Variants in UGT1A8 observed in about 807,000 individuals in gnomAD.
UGT1A8 encodes the protein UDP-glucuronosyltransferase 1A8.
A neutral mutation model predicts 45.3 loss-of-function variants in UGT1A8; 39 were observed. The ratio of observed to expected loss-of-function variants is 0.86; its 90% CI spans 0.67 to 1.12. The LOEUF (loss-of-function observed/expected upper bound fraction) is 1.12. Ranked by LOEUF, UGT1A8 falls within the 50% of genes most tolerant of loss-of-function variation. The probability of loss-of-function intolerance (pLI) is 0.00; values close to 1 mark genes in which losing one functional copy is unlikely to be tolerated. For synonymous variants in UGT1A8, 275 were observed against 249.2 expected (o/e 1.10, Z -0.97); for missense variants, 719 against 664.9 (o/e 1.08, Z -0.90).
chr2:233,759,959 G>A (rs149939396), intron 1 of UGT1A8, among the ~76,000 whole-genome samples: 41 of 152,230 alleles, frequency 2.7e-4, no homozygotes, highest in African/African-American at 8.9e-4. Context: ...CTACATAGTC[G>A]TCCTTCTTCC....
At chr2:233,656,715 G>A (rs764854716) in intron 1 of UGT1A8, among the ~76,000 whole-genome samples, 3 of 152,078 alleles carry the variant, frequency 2.0e-5, no homozygotes, top group African/African-American at 4.8e-5. Context: ...GTGACGAGGC[G>A]TGTCCAGCCT....
chr2:233,636,991 G>C, intron 1 of UGT1A8: 1 of 1,613,944 alleles, frequency 6.2e-7, no homozygotes, highest in South Asian at 1.1e-5. Flanking sequence ...TGGCTTAATT[G>C]TTGCTAAATA....
intron 1 of UGT1A8, among the ~76,000 whole-genome samples, chr2:233,629,555 A>G (rs972510184): frequency 6.6e-6 from 1 of 152,092 alleles, no homozygotes; most frequent in Non-Finnish European, 1.5e-5. Flanking sequence ...AAATTTTTGC[A>G]TCTAAGCTCA....
intron 1 of UGT1A8, among the ~76,000 whole-genome samples, chr2:233,765,695 A>G (rs1698910486): frequency 6.9e-6 from 1 of 145,802 alleles, no homozygotes; most frequent in African/African-American, 2.7e-5. Flanking sequence ...CTTCAAGTAA[A>G]TAATAATAAT....
At chr2:233,713,213 T>C (rs2076292888) in intron 1 of UGT1A8, 1 of 1,614,164 alleles carries the variant, frequency 6.2e-7, no homozygotes, top group Non-Finnish European at 8.5e-7. Context: ...AAGAGAACTT[T>C]TTCACCCTGA....
intron 1 of UGT1A8, chr2:233,647,786 G>C: frequency 1.6e-6 from 1 of 623,018 alleles, no homozygotes; most frequent in Admixed American, 3.2e-5. Flanking sequence ...TTCCTAATCA[G>C]TCTGGGTAGA....
intron 1 of UGT1A8, chr2:233,690,696 T>C: frequency 8.1e-7 from 1 of 1,237,692 alleles, no homozygotes; most frequent in South Asian, 1.4e-5. Flanking sequence ...GAGCTACTCT[T>C]TAGGGATCGT....
intron 1 of UGT1A8, chr2:233,672,091 C>T (rs1477600862): frequency 1.2e-6 from 2 of 1,614,116 alleles, no homozygotes; most frequent in Admixed American, 3.3e-5. Flanking sequence ...TCTCAGGGGG[C>T]ATGAGGTGGT....
intron 1 of UGT1A8, among the ~76,000 whole-genome samples, chr2:233,766,396 G>A (rs1050069085): frequency 2.0e-5 from 3 of 152,150 alleles, no homozygotes; most frequent in East Asian, 3.9e-4. Context: ...CTGTCCTTGC[G>A]TCCCTCCGCT....
At position 233,759,745 on chromosome 2, in the gene UGT1A8, A is replaced by G. The variant is rs1303166455; in HGVS notation, c.856-7289A>G. Among the ~76,000 whole-genome samples the G allele has an allele frequency of 2.6e-5, 4 of 152,196 alleles. No homozygotes were observed. The East Asian group carries it at 7.7e-4, about 29-fold the overall frequency. ...CTCTGCTGCAGCCTCAAGACCCCAC[A>G]CTGTGCTGGACTCAATAAATATTGT... On this transcript the variant is annotated intron_variant, in intron 1 of 4. Transcript: ENST00000373450.
chr2:233,636,718 C>T, intron 1 of UGT1A8: 2 of 1,614,158 alleles, frequency 1.2e-6, no homozygotes, highest in South Asian at 2.2e-5. Flanking sequence ...GAGTTGGCAA[C>T]TGGAAAGATC....
intron 1 of UGT1A8, among the ~76,000 whole-genome samples, chr2:233,706,527 A>G (rs1298555218): frequency 1.3e-5 from 2 of 152,242 alleles, no homozygotes; most frequent in African/African-American, 4.8e-5. Context: ...ACAGCGGCTT[A>G]GAAACACAGC....
intron 1 of UGT1A8, among the ~76,000 whole-genome samples, chr2:233,763,434 A>G (rs1698313182): frequency 1.3e-5 from 2 of 152,346 alleles, no homozygotes; most frequent in Middle Eastern, 3.4e-3. Context: ...AGTTGCTTTA[A>G]TAAGTGCATT....
Position 233,772,617 on chromosome 2 carries a change from GA to G in UGT1A8, c.*62del. 1 of 1,572,898 alleles carries G rather than the reference GA, an allele frequency of 6.4e-7. No homozygotes were observed. Among genetic ancestry groups the G allele is most frequent in the Non-Finnish European group, 8.6e-7 (1 of 1,158,346 alleles). On this transcript the variant is annotated 3_prime_UTR_variant, in exon 5 of 5. Coordinates refer to ENST00000373450, the MANE Select transcript of UGT1A8 (RefSeq NM_019076.5). The stretch of plus-strand genomic sequence containing the variant: ...CCATTCCCTAGTCATTTCCAAACTT[GA>G]AAACAGAATCAGTGTTAAATTCATT...
At chr2:233,770,225 G>C (rs747501170) in intron 4 of UGT1A8, 1 of 152,132 alleles carries the variant, frequency 6.6e-6, no homozygotes, top group Admixed American at 6.5e-5. Flanking sequence ...CTGTCTGATT[G>C]TGAATCTCCA....
At position 233,617,802 on chromosome 2, in the gene UGT1A8, C is replaced by G. The variant is rs772507803; in HGVS notation, c.95C>G (p.Pro32Arg). ...FAEAGKLLVV[P>R]MDGSHWFTMQ... Reference sequence around the variant, plus strand: ...GAGGCAGGGAAGCTGCTGGTAGTGCCCATGGATGGGAGTCACTGGTTCACC... The same window carrying G: ...GAGGCAGGGAAGCTGCTGGTAGTGCGCATGGATGGGAGTCACTGGTTCACC... The change falls in exon 1 of 5, where the codon CCC becomes CGC. Residue 32 changes from proline (P) to arginine (R), a missense_variant. Physicochemically the swap from Pro to Arg is moderately radical, Grantham distance 103. Coordinates refer to ENST00000373450, the MANE Select transcript of UGT1A8 (RefSeq NM_019076.5). 3 of 1,613,912 alleles carry G rather than the reference C, an allele frequency of 1.9e-6. No individual in the cohort carries two copies. Among genetic ancestry groups the G allele is most frequent in the Non-Finnish European group, 2.5e-6 (3 of 1,180,024 alleles).
At chr2:233,652,984 T>C (rs2073775321) in intron 1 of UGT1A8, among the ~76,000 whole-genome samples, 1 of 152,104 alleles carries the variant, frequency 6.6e-6, no homozygotes, top group African/African-American at 2.4e-5. Flanking sequence ...ATAAAACACT[T>C]TTGTGTGTCA....
intron 1 of UGT1A8, among the ~76,000 whole-genome samples, chr2:233,650,774 T>TG (rs2073718437): frequency 7.2e-5 from 11 of 152,236 alleles, no homozygotes; most frequent in Admixed American, 7.2e-4. Context: ...TCAAACTAGA[T>TG]CCTATTCAGA....
rs1700519300 is a variant in UGT1A8 at position 233,772,417 on chromosome 2, A to G, written c.1451A>G (p.His484Arg). Residue 484 changes from histidine to arginine, a missense_variant, in exon 5 of 5, where the codon CAT (histidine) becomes CGT (arginine). Coordinates refer to ENST00000373450, the MANE Select transcript of UGT1A8 (RefSeq NM_019076.5). ...CACGACCTCACCTGGTACCAGTACCATTCCTTGGACGTGATTGGTTTCCTC... is the reference window on the plus strand; with the variant it reads ...CACGACCTCACCTGGTACCAGTACCGTTCCTTGGACGTGATTGGTTTCCTC... ...AAHDLTWYQYHSLDVIGFLLA... is the reference protein window; with the variant it reads ...AAHDLTWYQYRSLDVIGFLLA... 1.2e-6 allele frequency: 2 copies of G among 1,614,214 alleles called. No individual in the cohort carries two copies. The highest frequency in any genetic ancestry group is 2.7e-5 in the African/African-American group (2 of 75,044).
Sources: allele counts gnomAD v4.1 joint callset (sites outside exome capture counted in the v4.1 genomes callset), GRCh38; gene constraint gnomAD v4.1.1; transcripts MANE v1.5; gene names NCBI Gene and HGNC (gene_info 2026-07-23, HGNC 2026-07-21).